KAT7: variants seen among roughly 807,000 people sequenced by gnomAD.
The protein encoded by KAT7 is lysine acetyltransferase 7.
In KAT7, 10 loss-of-function variants were observed where a neutral mutation model predicts 82.1. The observed-to-expected ratio is 0.12, with a 90% CI of 0.08 to 0.21. The LOEUF (loss-of-function observed/expected upper bound fraction) is 0.21, where lower values mean the gene tolerates loss of function less well. KAT7 is among the 10% of genes least tolerant of loss of function. The pLI is 1.00. For missense variants in KAT7, 378 were observed against 760.9 expected (o/e 0.50, Z 5.92); for synonymous variants, 250 against 262.5 (o/e 0.95, Z 0.46).
chr17:49,800,645 T>C (rs755616555), intron 4 of KAT7, among the ~76,000 whole-genome samples: 4 of 152,168 alleles, frequency 2.6e-5, no homozygotes, highest in Non-Finnish European at 5.9e-5. Context: ...AAATATTTAC[T>C]GAATATTGGT....
chr17:49,797,271 G>A (rs1567849103), intron 3 of KAT7, among the ~76,000 whole-genome samples: 1 of 152,060 alleles, frequency 6.6e-6, no homozygotes, highest in Admixed American at 6.6e-5. Flanking sequence ...CACTGTGTTA[G>A]TCAGGATGGT....
At chr17:49,809,047 T>G in intron 5 of KAT7, 72 bp from the exon 6 acceptor site, 1 of 1,154,886 alleles carries the variant, frequency 8.7e-7, no homozygotes, top group Non-Finnish European at 1.3e-6. Context: ...GGCATTATCA[T>G]TGTATTCTTA....
intron 4 of KAT7, among the ~76,000 whole-genome samples, chr17:49,801,720 G>C (rs1164364927): frequency 1.3e-5 from 2 of 151,598 alleles, no homozygotes. Flanking sequence ...GAACTCCTGG[G>C]CTCAAGTGAC....
chr17:49,792,094 T>C (rs889043431), intron 2 of KAT7, 61 bp downstream of exon 2: 6 of 1,539,198 alleles, frequency 3.9e-6, no homozygotes, highest in Non-Finnish European at 5.3e-6. Flanking sequence ...CCCATCACAT[T>C]ATTTTCCTAG....
chr17:49,815,988 T>G lies in KAT7; in HGVS notation c.963+75T>G, dbSNP rs904699971. Reference sequence around the variant, plus strand: ...AGTTGCCAGGAAAAATGATTGCAAATCAGTTTGATGGGAATTAAATGTACC... The same window carrying G: ...AGTTGCCAGGAAAAATGATTGCAAAGCAGTTTGATGGGAATTAAATGTACC... On this transcript the variant is annotated intron_variant, in intron 8 of 14. Transcript: ENST00000259021. 7 of 848,782 alleles carry G rather than the reference T, an allele frequency of 8.2e-6. No individual in the cohort carries two copies. In the Admixed American group the frequency reaches 1.4e-4, roughly 16 times the overall value. 52.6% of individuals were successfully genotyped at this position (848,782 alleles called of 1,614,324 possible). A position where few individuals can be genotyped will look rare whatever the true frequency, so the allele number is the denominator to read the frequency against.
At chr17:49,793,084 G>T (rs183101331) in intron 2 of KAT7, among the ~76,000 whole-genome samples, 4 of 152,152 alleles carry the variant, frequency 2.6e-5, no homozygotes, top group East Asian at 3.9e-4. Context: ...AAGTACTGGG[G>T]TTATAGATGT....
chr17:49,789,883 T>A (rs994874141), intron 1 of KAT7: 1 of 152,064 alleles, frequency 6.6e-6, no homozygotes, highest in Non-Finnish European at 1.5e-5. Context: ...GGGAGATATA[T>A]TGGTAAAAGC....
At chr17:49,808,246 A>G (rs1467462604) in intron 5 of KAT7, among the ~76,000 whole-genome samples, 1 of 148,656 alleles carries the variant, frequency 6.7e-6, no homozygotes, top group Non-Finnish European at 1.5e-5. Flanking sequence ...CTCAGCCTCA[A>G]GTAGCTGGGA....
chr17:49,805,994 A>G (rs1454654331), intron 5 of KAT7, among the ~76,000 whole-genome samples: 1 of 152,234 alleles, frequency 6.6e-6, no homozygotes, highest in Admixed American at 6.5e-5. Context: ...GAGATAATGT[A>G]TTTAAGTAGA....
At chr17:49,803,646 G>A (rs913151721) in intron 4 of KAT7, among the ~76,000 whole-genome samples, 8 of 150,430 alleles carry the variant, frequency 5.3e-5, no homozygotes, top group Non-Finnish European at 7.4e-5. Flanking sequence ...GAATGGTCTC[G>A]ATCTCCTGAC....
chr17:49,833,182 A>G lies in KAT7; in HGVS notation c.*5680A>G, dbSNP rs1320768749. The G allele has an allele frequency of 6.6e-6, 1 of 152,246 alleles. No individual in the cohort carries two copies. The highest frequency in any genetic ancestry group is 1.9e-4 in the East Asian group (1 of 5,206). The allele number at this position is 152,246 out of a possible 1,614,324, so 9.4% of individuals were successfully genotyped here. A position where few individuals can be genotyped will look rare whatever the true frequency, so the allele number is the denominator to read the frequency against. ...CGGATTTGTTTACTTGTGCCCAAGA[A>G]TGGAGAAAATAACCTGTACTATTGT... is the stretch of plus-strand genomic sequence containing the variant. On this transcript the variant is annotated 3_prime_UTR_variant, in exon 15 of 15. Coordinates refer to ENST00000259021, the MANE Select transcript of KAT7 (RefSeq NM_007067.5).
At chr17:49,809,024 A>G in intron 5 of KAT7, 95 bp from the exon 6 acceptor site, 2 of 911,746 alleles carry the variant, frequency 2.2e-6, no homozygotes, top group Non-Finnish European at 3.5e-6. Context: ...AGTAAAGTAC[A>G]ACATAAATCC....
chr17:49,801,154 T>C (rs970513340), intron 4 of KAT7, among the ~76,000 whole-genome samples: 10 of 152,106 alleles, frequency 6.6e-5, no homozygotes, highest in African/African-American at 9.7e-5. Context: ...ATAAAAAATA[T>C]GTTGTATTAG....
In KAT7 at chr17:49,833,271, A is replaced by G. The variant is rs1319160464; in HGVS notation, c.*5769A>G. ...TGAGATATAAACATCTTTATCCTCGACAAGTCATGTTCATTCCAAGAAACC... is the reference window on the plus strand; with the variant it reads ...TGAGATATAAACATCTTTATCCTCGGCAAGTCATGTTCATTCCAAGAAACC... On this transcript the variant is annotated 3_prime_UTR_variant, in exon 15 of 15. Transcript: ENST00000259021. 1 of 152,220 alleles carries G rather than the reference A, an allele frequency of 6.6e-6. No individual in the cohort carries two copies. The highest frequency in any genetic ancestry group is 1.5e-5 in the Non-Finnish European group (1 of 68,034). The allele number at this position is 152,220 out of a possible 1,614,324, so 9.4% of individuals were successfully genotyped here. A position where few individuals can be genotyped will look rare whatever the true frequency, so the allele number is the denominator to read the frequency against.
intron 13 of KAT7, 126 bp downstream of exon 13, chr17:49,826,272 T>C: frequency 1.1e-6 from 1 of 892,296 alleles, no homozygotes; most frequent in Non-Finnish European, 1.7e-6. Context: ...AGACCCTCAC[T>C]AAAGCTGCCT....
chr17:49,826,610 T>G, intron 13 of KAT7, 83 bp from the exon 14 acceptor site: 2 of 856,594 alleles, frequency 2.3e-6, no homozygotes, highest in Non-Finnish European at 4.0e-6. Context: ...TGGATTTCCT[T>G]TAAGGGAAAG....
In KAT7 at chr17:49,829,909, C is replaced by G. The variant is rs555330283; in HGVS notation, c.*2407C>G. On this transcript the variant is annotated 3_prime_UTR_variant, in exon 15 of 15. Transcript: ENST00000259021. The stretch of plus-strand genomic sequence containing the variant: ...CGTTTTTTTTTTTTTGAGTCAGAGT[C>G]TGGCTCTGTTGCCCAGGTTGGAGTG... 6.7e-6 allele frequency: 1 copy of G among 150,206 alleles called. No individual in the cohort carries two copies. Among genetic ancestry groups the G allele is most frequent in the African/African-American group, 2.5e-5 (1 of 40,812 alleles). 9.3% of individuals were successfully genotyped at this position (150,206 alleles called of 1,614,324 possible). A position where few individuals can be genotyped will look rare whatever the true frequency, so the allele number is the denominator to read the frequency against.
chr17:49,791,048 TC>T (rs914692324), intron 1 of KAT7, among the ~76,000 whole-genome samples: 6 of 152,158 alleles, frequency 3.9e-5, no homozygotes, highest in African/African-American at 1.4e-4. Context: ...CCATGAGTCT[TC>T]ATGTGCAAGC....
Position 49,791,737 on chromosome 17 carries a change from G to T in KAT7, c.16-149G>T, listed in dbSNP as rs551177714. On this transcript the variant is annotated intron_variant, in intron 1 of 14. Coordinates refer to ENST00000259021, the MANE Select transcript of KAT7 (RefSeq NM_007067.5). ...TTCTAAATAAAGTGAAGTTGCCTGA[G>T]GGGGTGGGAGGATGAGAAATGCTTG... 15 of 702,734 alleles carry T rather than the reference G, an allele frequency of 2.1e-5. No individual in the cohort carries two copies. The South Asian group carries it at 2.7e-4, about 13-fold the overall frequency. 43.5% of individuals were successfully genotyped at this position (702,734 alleles called of 1,614,324 possible).
Sources: allele counts gnomAD v4.1 joint callset (sites outside exome capture counted in the v4.1 genomes callset), GRCh38; gene constraint gnomAD v4.1.1; transcripts MANE v1.5; gene names NCBI Gene and HGNC (gene_info 2026-07-23, HGNC 2026-07-21).